Variants in RBFOX1 observed in about 807,000 individuals in gnomAD.
RBFOX1 encodes the protein RNA binding fox-1 homolog 1, also known as RNA binding protein fox-1 homolog 1.
RBFOX1 carries 8 observed loss-of-function variants against 57.7 expected under a neutral mutation model. The observed-to-expected ratio is 0.14, with a 90% CI of 0.08 to 0.25. RBFOX1 has a LOEUF of 0.25. Ranked by LOEUF, RBFOX1 falls within the 10% of genes least tolerant of loss-of-function variation. The probability of loss-of-function intolerance (pLI) is 1.00; values close to 1 mark genes in which losing one functional copy is unlikely to be tolerated. For synonymous variants in RBFOX1, 326 were observed against 222.4 expected, an observed-to-expected ratio of 1.47 and a Z score of -4.15; for missense variants, 611 against 548.5, an observed-to-expected ratio of 1.11 and a Z score of -1.14.
chr16:7,228,276 C>A (rs1183628978), intron 4 of RBFOX1, among the ~76,000 whole-genome samples: 1 of 152,260 alleles, frequency 6.6e-6, no homozygotes, highest in African/African-American at 2.4e-5. Context: ...GAGCTGAGGA[C>A]TATATTCATC....
rs149390192 is a variant in RBFOX1 at position 6,907,647 on chromosome 16, T to C, written c.-15-144410T>C. ...TTGCAGTGGCACGATCTTGGCTCAC[T>C]GCAGCCTCTGCCTCCTGGGTTCAAG... On this transcript the variant is annotated intron_variant, in intron 3 of 15. Coordinates refer to ENST00000550418, the MANE Select transcript of RBFOX1 (RefSeq NM_018723.4). Among the ~76,000 whole-genome samples the C allele has an allele frequency of 1.5e-4, 23 of 152,310 alleles. No homozygotes were observed. In the East Asian group the frequency reaches 4.1e-3, roughly 27 times the overall value.
At chr16:7,289,866 G>C (rs1440688767) in intron 4 of RBFOX1, among the ~76,000 whole-genome samples, 1 of 152,168 alleles carries the variant, frequency 6.6e-6, no homozygotes, top group Admixed American at 6.5e-5. Context: ...AAGCCACTCA[G>C]CTAGTATGCT....
At chr16:7,147,858 T>TG (rs1288201122) in intron 4 of RBFOX1, among the ~76,000 whole-genome samples, 15 of 152,222 alleles carry the variant, frequency 9.9e-5, no homozygotes, top group Non-Finnish European at 1.5e-5. Context: ...CTGGGTTGAA[T>TG]GGTAGTTCTG....
intron 3 of RBFOX1, among the ~76,000 whole-genome samples, chr16:6,931,524 A>T (rs965188901): frequency 6.6e-6 from 1 of 152,130 alleles, no homozygotes. Context: ...AAGGCTGGGG[A>T]CATCTTGCCA....
intron 4 of RBFOX1, among the ~76,000 whole-genome samples, chr16:7,509,293 G>C (rs1324045418): frequency 6.6e-6 from 1 of 152,072 alleles, no homozygotes; most frequent in African/African-American, 2.4e-5. Flanking sequence ...TTGACTGTAA[G>C]GTCTATAGGG....
intron 2 of RBFOX1, among the ~76,000 whole-genome samples, chr16:6,378,564 A>G (rs1468610): frequency 0.39 from 58,854 of 151,936 alleles, 12,671 homozygotes; most frequent in South Asian, 0.73. Context: ...GAGTGTGCAC[A>G]TGCCCACCCC....
At position 6,751,565 on chromosome 16, in the gene RBFOX1, T is replaced by C. The variant is rs1368575072; in HGVS notation, c.-16+96915T>C. 2.0e-5 allele frequency among the ~76,000 whole-genome samples: 3 copies of C among 152,194 alleles called. No individual in the cohort carries two copies. The East Asian group carries it at 5.8e-4, about 29-fold the overall frequency. On this transcript the variant is annotated intron_variant, in intron 3 of 15. Transcript: ENST00000550418. ...GATAAAGAACTAGAAAGGTAGAACA[T>C]ACAGTGCTTCCTCTGCACATCTGAT...
chr16:5,748,245 T>A (rs939250534), intron 3 of RBFOX1, among the ~76,000 whole-genome samples: 2 of 152,102 alleles, frequency 1.3e-5, no homozygotes, highest in African/African-American at 4.8e-5. Flanking sequence ...AGAGACAGTT[T>A]GTTATAATTT....
intron 10 of RBFOX1, among the ~76,000 whole-genome samples, chr16:7,628,414 C>T (rs1456961890): frequency 6.6e-6 from 1 of 152,166 alleles, no homozygotes; most frequent in Non-Finnish European, 1.5e-5. Flanking sequence ...CACAGGAGTA[C>T]TCATTGATAA....
At chr16:6,884,702 A>G (rs552805630) in intron 3 of RBFOX1, among the ~76,000 whole-genome samples, 1 of 152,192 alleles carries the variant, frequency 6.6e-6, no homozygotes, top group African/African-American at 2.4e-5. Flanking sequence ...GTTCCAGACC[A>G]GCTTGGGCAA....
intron 4 of RBFOX1, among the ~76,000 whole-genome samples, chr16:7,153,824 G>T (rs1376007214): frequency 6.6e-6 from 1 of 152,068 alleles, no homozygotes; most frequent in African/African-American, 2.4e-5. Flanking sequence ...GTACCATGAG[G>T]AAGATGCCCT....
chr16:6,611,527 G>C (rs1183123675), intron 2 of RBFOX1, among the ~76,000 whole-genome samples: 1 of 152,208 alleles, frequency 6.6e-6, no homozygotes, highest in Admixed American at 6.5e-5. Flanking sequence ...GTGTGATTCT[G>C]GTACTCATAC....
intron 3 of RBFOX1, chr16:6,705,583 C>T (rs984205968): frequency 5.9e-5 from 9 of 152,102 alleles, no homozygotes; most frequent in African/African-American, 2.2e-4. Context: ...CTTGGAGAAG[C>T]GGCTGCTTTT....
chr16:6,765,371 G>A (rs185470663), intron 3 of RBFOX1, among the ~76,000 whole-genome samples: 209 of 152,232 alleles, frequency 1.4e-3, no homozygotes, highest in African/African-American at 4.6e-3. Context: ...TGGAAAGTCC[G>A]TGTGTAACTT....
At chr16:6,663,940 G>T (rs1253842282) in intron 3 of RBFOX1, among the ~76,000 whole-genome samples, 1 of 152,196 alleles carries the variant, frequency 6.6e-6, no homozygotes, top group Non-Finnish European at 1.5e-5. Context: ...TAGAGATAAA[G>T]CTCAAAGCAG....
At chr16:7,506,579 T>TCA (rs2073379229) in intron 4 of RBFOX1, among the ~76,000 whole-genome samples, 4 of 146,228 alleles carry the variant, frequency 2.7e-5, no homozygotes, top group African/African-American at 1.0e-4. Context: ...TACCATCACC[T>TCA]TCATCATCAT....
chr16:5,600,486 C>CAAA (rs34621437), downstream of RBFOX1, among the ~76,000 whole-genome samples: 31 of 90,248 alleles, frequency 3.4e-4, no homozygotes, highest in African/African-American at 7.4e-4. Context: ...GAGCCTGTCT[C>CAAA]AAAAAAAAAA....
rs190142136 is a variant in RBFOX1, at chr16:7,214,355, G to C, written c.27+162257G>C. Among the ~76,000 whole-genome samples the C allele has an allele frequency of 9.2e-5, 14 of 152,240 alleles. No homozygotes were observed. The East Asian group carries it at 2.7e-3, about 30-fold the overall frequency. On this transcript the variant is annotated intron_variant, in intron 4 of 15. Transcript: ENST00000550418. ...TTCCCTGTAGATCCCTACTTTAGCAGATGGCATGATCGGGGTGCTCAAGCT... is the reference window on the plus strand; with the variant it reads ...TTCCCTGTAGATCCCTACTTTAGCACATGGCATGATCGGGGTGCTCAAGCT...
chr16:6,176,451 G>GC (rs1234326037), intron 1 of RBFOX1, among the ~76,000 whole-genome samples: 3 of 151,368 alleles, frequency 2.0e-5, no homozygotes, highest in African/African-American at 7.3e-5. Flanking sequence ...GAGCTACTGT[G>GC]CCCAGCCTCA....
Sources: gnomAD v4.1 joint callset for allele counts (sites outside exome capture counted in the v4.1 genomes callset) on GRCh38, gnomAD v4.1.1 for gene constraint, MANE v1.5 for transcripts, NCBI Gene and HGNC (gene_info 2026-07-23, HGNC 2026-07-21) for gene names.